Variants in DNAH5 observed in about 807,000 individuals in gnomAD.
DNAH5 encodes the protein dynein axonemal heavy chain 5.
DNAH5 carries 372 observed loss-of-function variants against 518.2 expected under a neutral mutation model. That is an observed-to-expected ratio of 0.72 (90% CI 0.66 to 0.78). DNAH5 has a LOEUF of 0.78. DNAH5 is among the 30% of genes least tolerant of loss of function. DNAH5 has a pLI of 0.00. For missense variants in DNAH5, 5,523 were observed against 5,687.0 expected, an observed-to-expected ratio of 0.97 and a Z score of 0.93; for synonymous variants, 2,039 against 2,025.9, an observed-to-expected ratio of 1.01 and a Z score of -0.17.
intron 31 of DNAH5, among the ~76,000 whole-genome samples, chr5:13,845,996 AAT>A (rs1277555173): frequency 3.5e-5 from 5 of 144,266 alleles, no homozygotes; most frequent in Non-Finnish European, 6.1e-5. Context: ...ACGCCCAGCT[AAT>A]ATTTTTTTTT....
At chr5:13,939,429 G>A (rs1321746429) in intron 1 of DNAH5, among the ~76,000 whole-genome samples, 1 of 152,076 alleles carries the variant, frequency 6.6e-6, no homozygotes, top group East Asian at 1.9e-4. Flanking sequence ...TGCTTTACCT[G>A]CCTCCCGTTT....
At chr5:13,879,916 A>G (rs192211907) in intron 21 of DNAH5, among the ~76,000 whole-genome samples, 30 of 152,292 alleles carry the variant, frequency 2.0e-4, no homozygotes, top group African/African-American at 7.2e-4. Flanking sequence ...AAAACTTCCA[A>G]GCCTGGGGGA....
At position 13,714,041 on chromosome 5, in the gene DNAH5, A is replaced by C. The variant is rs147825922; in HGVS notation, c.13125+364T>G. Among the ~76,000 whole-genome samples the C allele has an allele frequency of 6.3e-4, 96 of 152,312 alleles. 1 individual carries two copies. Among genetic ancestry groups the C allele is most frequent in the African/African-American group, 2.2e-3 (91 of 41,568 alleles). On this transcript the variant is annotated intron_variant, in intron 75 of 78. Coordinates refer to ENST00000265104, the MANE Select transcript of DNAH5 (RefSeq NM_001369.3). ...AATTTTAAGGTGTGCATTAAACTAC[A>C]TAAAATGTATTTTTGAATAATCAGG...
intron 57 of DNAH5, 90 bp downstream of exon 57, chr5:13,769,411 T>C (rs1369797842): frequency 5.6e-6 from 6 of 1,070,286 alleles, no homozygotes; most frequent in Non-Finnish European, 7.3e-6. Flanking sequence ...TATACTTCAC[T>C]AGTTATAGCC....
At chr5:13,840,632 C>T (rs959879136) in intron 34 of DNAH5, among the ~76,000 whole-genome samples, 1 of 152,270 alleles carries the variant, frequency 6.6e-6, no homozygotes, top group South Asian at 2.1e-4. Context: ...TTTTCAGATG[C>T]TACATGACAA....
chr5:13,787,567 A>C (rs1165911089), intron 51 of DNAH5, among the ~76,000 whole-genome samples: 1 of 152,152 alleles, frequency 6.6e-6, no homozygotes, highest in Non-Finnish European at 1.5e-5. Flanking sequence ...AATGACACAA[A>C]AGGTTATGCA....
chr5:13,793,789 C>T, intron 48 of DNAH5, 61 bp from the exon 49 acceptor site: 8 of 1,581,792 alleles, frequency 5.1e-6, no homozygotes, highest in Non-Finnish European at 6.9e-6. Context: ...AGCCTAACTC[C>T]TTGAGTGTTT....
chr5:13,779,350 A>G (rs1350800596), intron 53 of DNAH5, among the ~76,000 whole-genome samples: 2 of 152,236 alleles, frequency 1.3e-5, no homozygotes, highest in Admixed American at 1.3e-4. Flanking sequence ...CCTATAGGTC[A>G]GACAAAACAC....
intron 43 of DNAH5, among the ~76,000 whole-genome samples, chr5:13,812,066 G>C (rs1760786646): frequency 6.6e-6 from 1 of 152,158 alleles, no homozygotes; most frequent in Admixed American, 6.5e-5. Flanking sequence ...CAGAGGCCCA[G>C]GAAGTGTAGG....
intron 71 of DNAH5, among the ~76,000 whole-genome samples, 193 bp from the exon 72 acceptor site, chr5:13,719,294 G>T (rs953723858): frequency 6.6e-6 from 1 of 152,178 alleles, no homozygotes; most frequent in African/African-American, 2.4e-5. Context: ...CCATGCATTT[G>T]TTCCAGTATA....
chr5:13,947,651 T>C (rs1780038149), upstream of DNAH5, among the ~76,000 whole-genome samples: 1 of 152,216 alleles, frequency 6.6e-6, no homozygotes, highest in South Asian at 2.1e-4. Flanking sequence ...TTGCTCTCAA[T>C]TTCTGAGTAT....
In DNAH5 at chr5:13,822,869, C is replaced by A. The variant is rs114366474; in HGVS notation, c.6687+394G>T. ...AGGAAAGAGAAGCCACATGAGATCA[C>A]TGCAAATAACACGCAGAGGCAGGCG... On this transcript the variant is annotated intron_variant, in intron 40 of 78. Coordinates refer to ENST00000265104, the MANE Select transcript of DNAH5 (RefSeq NM_001369.3). Among the ~76,000 whole-genome samples the A allele has an allele frequency of 8.7e-3, 1,330 of 152,172 alleles. 21 individuals carry two copies. The highest frequency in any genetic ancestry group is 0.031 in the African/African-American group (1,270 of 41,502).
Position 13,988,444 on chromosome 5 carries a change from G to C in DNAH5, c.12+23204C>G, listed in dbSNP as rs1264973783. 5.3e-5 allele frequency among the ~76,000 whole-genome samples: 8 copies of C among 151,388 alleles called. No homozygotes were observed. In the South Asian group the frequency reaches 1.7e-3, roughly 32 times the overall value. ...TTTTTTTTTTTTTCTTTGAGACAGA[G>C]TCTGGCTCGGGTACCCAGGCTGGAG... On this transcript the variant is annotated intron_variant, in intron 1 of 78. Transcript: ENST00000681290.
intron 38 of DNAH5, 39 bp from the exon 39 acceptor site, chr5:13,824,372 TA>T: frequency 6.2e-7 from 1 of 1,600,752 alleles, no homozygotes; most frequent in Non-Finnish European, 8.6e-7. Context: ...TTTTCAACAT[TA>T]AAATACTTGC....
At position 13,841,856 on chromosome 5, in the gene DNAH5, C is replaced by T; in HGVS notation, c.5320G>A (p.Glu1774Lys). The change falls in exon 33 of 79, where the codon GAA (glutamate) becomes AAA (lysine). Residue 1774 changes from glutamate to lysine, a missense_variant. Around this residue, in one of 3 missense-constraint regions of DNAH5, gnomAD observed 5,121 missense variants for 5,223.3 expected, o/e 0.98. Coordinates refer to ENST00000265104, the MANE Select transcript of DNAH5 (RefSeq NM_001369.3). ...SISSQEGETIELDKPVMAEGN... is the reference protein window; with the variant it reads ...SISSQEGETIKLDKPVMAEGN... ...TCTGCCATGACAGGTTTATCCAATTCAATCGTCTCACCCTCTTGAGAGGAA... is the reference window on the plus strand; with the variant it reads ...TCTGCCATGACAGGTTTATCCAATTTAATCGTCTCACCCTCTTGAGAGGAA... 6.6e-7 allele frequency: 1 copy of T among 1,512,842 alleles called. No individual in the cohort carries two copies. Among genetic ancestry groups the T allele is most frequent in the Non-Finnish European group, 8.9e-7 (1 of 1,123,160 alleles). 93.7% of individuals were successfully genotyped at this position (1,512,842 alleles called of 1,614,324 possible).
intron 71 of DNAH5, 140 bp downstream of exon 71, chr5:13,720,860 T>TA (rs1744952919): frequency 5.3e-5 from 62 of 1,173,210 alleles, no homozygotes; most frequent in East Asian, 3.9e-4. Context: ...TAGCTTAAAT[T>TA]TAAAAAAAAA....
chr5:13,864,662 G>A, intron 27 of DNAH5, 25 bp from the exon 28 acceptor site: 1 of 1,613,934 alleles, frequency 6.2e-7, no homozygotes, highest in Non-Finnish European at 8.5e-7. Flanking sequence ...CAACATGAAA[G>A]GCCATTGAAA....
intron 70 of DNAH5, among the ~76,000 whole-genome samples, chr5:13,721,491 C>T (rs1745057080): frequency 6.6e-6 from 1 of 152,094 alleles, no homozygotes; most frequent in East Asian, 1.9e-4. Context: ...TGTATGACTC[C>T]TGGTTTGAAA....
At position 13,928,975 on chromosome 5, in the gene DNAH5, G is replaced by A. The variant is rs148661684; in HGVS notation, c.193-797C>T. ...TAAAAATAGAATTGCCACATGATCCGGGAACTCCACTTCTGGGTATATATC... is the reference window on the plus strand; with the variant it reads ...TAAAAATAGAATTGCCACATGATCCAGGAACTCCACTTCTGGGTATATATC... On this transcript the variant is annotated intron_variant, in intron 2 of 78. Transcript: ENST00000265104. Among the ~76,000 whole-genome samples the A allele has an allele frequency of 1.4e-3, 214 of 152,248 alleles. 1 individual carries two copies. Among genetic ancestry groups the A allele is most frequent in the African/African-American group, 4.9e-3 (204 of 41,536 alleles).
Sources: allele counts gnomAD v4.1 joint callset (sites outside exome capture counted in the v4.1 genomes callset), GRCh38; gene constraint gnomAD v4.1.1; regional missense constraint gnomAD v4.1.1; transcripts MANE v1.5; gene names NCBI Gene and HGNC (gene_info 2026-07-23, HGNC 2026-07-21).